WWOX: variants seen among roughly 807,000 people sequenced by gnomAD.
WWOX encodes WW domain-containing oxidoreductase.
In WWOX, 69 loss-of-function variants were observed where a neutral mutation model predicts 46.2. The observed-to-expected ratio is 1.49, with a 90% CI of 1.23 to 1.82. WWOX has a LOEUF of 1.82. Among genes scored for constraint, WWOX ranks in the 40% most tolerant of loss-of-function variants. The pLI is 0.00. For missense variants in WWOX, 919 were observed against 542.6 expected (o/e 1.69, Z -6.89); for synonymous variants, 359 against 202.6 (o/e 1.77, Z -6.56).
At chr16:78,194,785 C>T (rs1349403037) in intron 5 of WWOX, among the ~76,000 whole-genome samples, 1 of 134,894 alleles carries the variant, frequency 7.4e-6, no homozygotes, top group Non-Finnish European at 1.6e-5. Flanking sequence ...GTTTAACCAT[C>T]AACCCTCTTA....
intron 4 of WWOX, among the ~76,000 whole-genome samples, chr16:78,144,098 C>G (rs941971001): frequency 2.6e-5 from 4 of 151,988 alleles, no homozygotes; most frequent in Non-Finnish European, 5.9e-5. Context: ...TTCCACCTGC[C>G]CCTTGGCTCA....
intron 8 of WWOX, among the ~76,000 whole-genome samples, chr16:78,521,702 T>G (rs11648020): frequency 0.051 from 7,705 of 152,274 alleles, 329 homozygotes; most frequent in South Asian, 0.19. Flanking sequence ...CCTTTCTAAG[T>G]GTCTTTTTAT....
At chr16:78,818,955 G>A (rs1047010790) in intron 8 of WWOX, among the ~76,000 whole-genome samples, 1 of 152,224 alleles carries the variant, frequency 6.6e-6, no homozygotes, top group Non-Finnish European at 1.5e-5. Context: ...TGAGTTGAAT[G>A]TTCCAGGGTA....
At chr16:78,630,115 G>T (rs960622039) in intron 8 of WWOX, among the ~76,000 whole-genome samples, 1 of 152,182 alleles carries the variant, frequency 6.6e-6, no homozygotes, top group South Asian at 2.1e-4. Context: ...CACTGGCCCA[G>T]AGAGAGTCCT....
At chr16:78,795,527 A>G (rs1042384476) in intron 8 of WWOX, among the ~76,000 whole-genome samples, 4 of 152,188 alleles carry the variant, frequency 2.6e-5, no homozygotes, top group Admixed American at 2.0e-4. Flanking sequence ...TCCACTGCTG[A>G]GTCTTCCCAA....
intron 8 of WWOX, among the ~76,000 whole-genome samples, chr16:78,854,709 T>G (rs2052527719): frequency 6.6e-6 from 1 of 152,174 alleles, no homozygotes; most frequent in South Asian, 2.1e-4. Context: ...GCCTCCCAAG[T>G]AGTTGGGATT....
intron 6 of WWOX, among the ~76,000 whole-genome samples, chr16:78,418,699 C>T (rs1256789455): frequency 6.6e-6 from 1 of 151,886 alleles, no homozygotes; most frequent in Non-Finnish European, 1.5e-5. Context: ...AATAAAAGAT[C>T]CTCTCAATAC....
intron 8 of WWOX, chr16:79,004,812 A>G (rs2047160396): frequency 6.6e-6 from 1 of 152,248 alleles, no homozygotes; most frequent in South Asian, 2.1e-4. Flanking sequence ...ATAAAAAGGC[A>G]CAGCAGGCAC....
intron 7 of WWOX, among the ~76,000 whole-genome samples, chr16:78,429,797 G>A (rs1455024108): frequency 2.6e-5 from 4 of 152,170 alleles, no homozygotes; most frequent in African/African-American, 7.2e-5. Flanking sequence ...TAGCTTTACT[G>A]TAATGAAAGA....
intron 8 of WWOX, among the ~76,000 whole-genome samples, chr16:78,982,031 C>G (rs1262697576): frequency 1.3e-5 from 2 of 152,146 alleles, no homozygotes; most frequent in East Asian, 3.9e-4. Flanking sequence ...TCTAAGGGCT[C>G]TGGACCTATG....
chr16:78,859,000 TTAAAAAAAAAA>T (rs535534464), intron 8 of WWOX, among the ~76,000 whole-genome samples: 1,385 of 79,186 alleles, frequency 0.017, 25 homozygotes, highest in Non-Finnish European at 0.023. Flanking sequence ...GTTTTGAAAT[TTAAAAAAAAAA>T]AAAAAAAAAA....
intron 8 of WWOX, among the ~76,000 whole-genome samples, chr16:79,159,263 C>T (rs1020807559): frequency 2.6e-5 from 4 of 152,196 alleles, no homozygotes; most frequent in Admixed American, 1.3e-4. Flanking sequence ...TAATCTCATT[C>T]GGTGCATACG....
chr16:79,150,552 C>T (rs145348332), intron 8 of WWOX, among the ~76,000 whole-genome samples: 3 of 152,310 alleles, frequency 2.0e-5, no homozygotes, highest in East Asian at 1.9e-4. Flanking sequence ...CCATTATTGA[C>T]GTCCAGCTGA....
intron 8 of WWOX, among the ~76,000 whole-genome samples, chr16:79,069,383 A>G (rs1441374048): frequency 6.6e-6 from 1 of 152,202 alleles, no homozygotes; most frequent in South Asian, 2.1e-4. Flanking sequence ...AAACAGCTTT[A>G]TTTCATTGAC....
intron 8 of WWOX, among the ~76,000 whole-genome samples, chr16:79,028,673 A>T (rs1201183292): frequency 6.6e-6 from 1 of 151,732 alleles, no homozygotes; most frequent in Non-Finnish European, 1.5e-5. Flanking sequence ...TTCTTTCGAC[A>T]TTACACATAA....
rs1218668173 is a variant in WWOX, at chr16:78,339,381, A to C, written c.517-47479A>C. Among the ~76,000 whole-genome samples, 14 of 78,370 alleles carry C rather than the reference A, an allele frequency of 1.8e-4. 5 individuals are homozygous for C. Among genetic ancestry groups the C allele is most frequent in the Non-Finnish European group, 3.6e-4 (14 of 38,402 alleles). The allele number at this position is 78,370 out of a possible 152,430, so 51.4% of individuals were successfully genotyped here. A position where few individuals can be genotyped will look rare whatever the true frequency, so the allele number is the denominator to read the frequency against. ...CCTTTTATTAGAAAAAAAAAAAAAAACAACTCCCCTGGAGCCTTTGTACCT... is the reference window on the plus strand; with the variant it reads ...CCTTTTATTAGAAAAAAAAAAAAAACCAACTCCCCTGGAGCCTTTGTACCT... On this transcript the variant is annotated intron_variant, in intron 5 of 8. Coordinates refer to ENST00000566780, the MANE Select transcript of WWOX (RefSeq NM_016373.4).
chr16:78,311,532 C>G (rs1386987000), intron 5 of WWOX, among the ~76,000 whole-genome samples: 2 of 152,146 alleles, frequency 1.3e-5, no homozygotes, highest in Non-Finnish European at 2.9e-5. Flanking sequence ...TGCGTGTTAA[C>G]TGTTTAATGA....
chr16:78,831,625 C>G (rs8051315), intron 8 of WWOX, among the ~76,000 whole-genome samples: 4,684 of 152,258 alleles, frequency 0.031, 236 homozygotes, highest in African/African-American at 0.11. Context: ...CTCAGTCTTT[C>G]TTTTCTTGAG....
chr16:78,294,415 C>T (rs768022878), intron 5 of WWOX, among the ~76,000 whole-genome samples: 3 of 149,808 alleles, frequency 2.0e-5, no homozygotes, highest in African/African-American at 7.4e-5. Flanking sequence ...AACACCTCCT[C>T]TTTCCAATAT....
Sources: allele counts gnomAD v4.1 joint callset (sites outside exome capture counted in the v4.1 genomes callset), GRCh38; gene constraint gnomAD v4.1.1; transcripts MANE v1.5; gene names NCBI Gene and HGNC (gene_info 2026-07-23, HGNC 2026-07-21).